The following ORC5 variants were observed in gnomAD, a reference collection of about 807,000 sequenced individuals.
The protein encoded by ORC5 is origin recognition complex subunit 5, also known as protein phosphatase 1, regulatory subunit 117.
Under a neutral mutation model 58.8 loss-of-function variants are expected in ORC5, and 39 were observed. That is an observed-to-expected ratio of 0.66 (90% CI 0.51 to 0.87). ORC5 has a LOEUF of 0.87. Ranked by LOEUF, ORC5 falls within the 40% of genes least tolerant of loss-of-function variation. ORC5 has a pLI of 0.00. For synonymous variants in ORC5, 218 were observed against 177.6 expected, an observed-to-expected ratio of 1.23 and a Z score of -1.81; for missense variants, 493 against 506.3, an observed-to-expected ratio of 0.97 and a Z score of 0.25.
At chr7:104,169,904 G>C (rs1799180311) in intron 8 of ORC5, among the ~76,000 whole-genome samples, 1 of 151,838 alleles carries the variant, frequency 6.6e-6, no homozygotes, top group Non-Finnish European at 1.5e-5. Flanking sequence ...TTTTAGTTTG[G>C]AGCTAAGCTT....
chr7:104,187,133 G>A lies in ORC5; in HGVS notation c.684+1118C>T, dbSNP rs547707650. ...CAGGAAAGACCGAGGAGGATTATCT[G>A]CTCCTAAGTCCATCTCACTCAGGTG... On this transcript the variant is annotated intron_variant, in intron 6 of 13. Coordinates refer to ENST00000297431, the MANE Select transcript of ORC5 (RefSeq NM_002553.4). Among the ~76,000 whole-genome samples, 38 of 152,250 alleles carry A rather than the reference G, an allele frequency of 2.5e-4. 1 individual carries two copies. The South Asian group carries it at 5.0e-3, about 20-fold the overall frequency.
rs559663115 is a variant in ORC5 at position 104,203,770 on chromosome 7, T to C, written c.165+372A>G. On this transcript the variant is annotated intron_variant, in intron 2 of 13. Transcript: ENST00000297431. ...TGAAAATATTAAGATTTGCATGGCC[T>C]AGCTGCTGGGTGAAGATTGCAAATA... 3.5e-4 allele frequency among the ~76,000 whole-genome samples: 54 copies of C among 152,284 alleles called. No homozygotes were observed. In the South Asian group the frequency reaches 5.8e-3, roughly 16 times the overall value.
intron 12 of ORC5, among the ~76,000 whole-genome samples, 158 bp downstream of exon 12, chr7:104,160,914 T>C (rs764087414): frequency 3.3e-5 from 5 of 152,198 alleles, no homozygotes; most frequent in Admixed American, 6.5e-5. Context: ...AAAGATTCTA[T>C]ATACGTAATT....
chr7:104,171,093 T>A (rs1188651176), intron 8 of ORC5, among the ~76,000 whole-genome samples: 1 of 152,202 alleles, frequency 6.6e-6, no homozygotes, highest in Non-Finnish European at 1.5e-5. Flanking sequence ...CCCCTGTTCT[T>A]TGTCCATTTA....
chr7:104,127,701 T>G lies in ORC5; in HGVS notation c.1263-808A>C, dbSNP rs529187359. ...TCACTAATTGCATGCTCTTATTTAT[T>G]AAACCATCATCAATTAATGTTTTTG... On this transcript the variant is annotated intron_variant, in intron 13 of 13. Transcript: ENST00000297431. 9.8e-5 allele frequency among the ~76,000 whole-genome samples: 15 copies of G among 152,364 alleles called. No individual in the cohort carries two copies. In the South Asian group the frequency reaches 3.1e-3, roughly 32 times the overall value.
intron 9 of ORC5, 70 bp from the exon 10 acceptor site, chr7:104,166,954 T>C: frequency 1.2e-6 from 1 of 833,458 alleles, no homozygotes; most frequent in Non-Finnish European, 2.0e-6. Flanking sequence ...TCTTCTCACT[T>C]GACTTTTCAT....
intron 12 of ORC5, among the ~76,000 whole-genome samples, chr7:104,147,691 CAT>C (rs918365931): frequency 6.6e-6 from 1 of 152,180 alleles, no homozygotes; most frequent in African/African-American, 2.4e-5. Flanking sequence ...TAATACAACA[CAT>C]ATGTCGTGCT....
At position 104,188,357 on chromosome 7, in the gene ORC5, T is replaced by C. The variant is rs761065861; in HGVS notation, c.578A>G (p.His193Arg). 74 of 1,609,970 alleles carry C rather than the reference T, an allele frequency of 4.6e-5. No homozygotes were observed. Among genetic ancestry groups the C allele is most frequent in the South Asian group, 1.7e-4 (15 of 90,842 alleles). ...AGCTGAATACTCTGGAGGATGATCA[T>C]GGGACAGGATCTTTTGAAGGTTGCC... Reference protein sequence around the residue: ...SIGNLQKILSHDHPPEYSADF... With the variant: ...SIGNLQKILSRDHPPEYSADF... The change falls in exon 6 of 14, where the codon CAT becomes CGT. Residue 193 changes from histidine (H) to arginine (R), a missense_variant. His to Arg is a conservative substitution (Grantham distance 29). Around this residue, in one of 3 missense-constraint regions of ORC5, gnomAD observed 412 missense variants for 403.7 expected, o/e 1.02. Coordinates refer to ENST00000297431, the MANE Select transcript of ORC5 (RefSeq NM_002553.4).
intron 6 of ORC5, chr7:104,187,730 A>T: frequency 1.0e-6 from 1 of 961,958 alleles, no homozygotes; most frequent in African/African-American, 1.8e-5. Context: ...AAAAAAAAAA[A>T]ATTAAAAAGA....
rs528039180 is a variant in ORC5 at position 104,151,034 on chromosome 7, T to C, written c.1149+10038A>G. On this transcript the variant is annotated intron_variant, in intron 12 of 13. Coordinates refer to ENST00000297431, the MANE Select transcript of ORC5 (RefSeq NM_002553.4). ...TCGATAGTTGTAAGGGGAAAGTACA[T>C]GCAACAATATAAAAACATTTAAAAT... Among the ~76,000 whole-genome samples the C allele has an allele frequency of 3.9e-5, 6 of 152,194 alleles. No individual in the cohort carries two copies. The East Asian group carries it at 1.2e-3, about 29-fold the overall frequency.
chr7:104,200,308 GTCT>G (rs1799908024), intron 3 of ORC5, among the ~76,000 whole-genome samples: 1 of 152,054 alleles, frequency 6.6e-6, no homozygotes, highest in Non-Finnish European at 1.5e-5. Flanking sequence ...CTATCTTCCA[GTCT>G]TCTTTTTCTC....
intron 8 of ORC5, among the ~76,000 whole-genome samples, chr7:104,174,095 C>T (rs920783242): frequency 8.5e-5 from 13 of 152,132 alleles, no homozygotes; most frequent in Admixed American, 6.5e-4. Context: ...CCGCCCGCCT[C>T]GGCCTCCCAA....
At chr7:104,167,790 G>C (rs1411855896) in intron 9 of ORC5, among the ~76,000 whole-genome samples, 2 of 152,122 alleles carry the variant, frequency 1.3e-5, no homozygotes, top group Non-Finnish European at 2.9e-5. Flanking sequence ...CAAACAGATA[G>C]AAAGTAGTGC....
intron 2 of ORC5, 134 bp from the exon 3 acceptor site, chr7:104,201,092 C>A: frequency 1.5e-6 from 1 of 674,776 alleles, no homozygotes; most frequent in Non-Finnish European, 2.6e-6. Context: ...AAGAGCCTGA[C>A]AGCTACAGAA....
chr7:104,185,432 T>C (rs1799524005), intron 6 of ORC5, among the ~76,000 whole-genome samples: 2 of 152,254 alleles, frequency 1.3e-5, no homozygotes, highest in East Asian at 1.9e-4. Flanking sequence ...CCATAAAACA[T>C]ATAATGAAAA....
chr7:104,167,600 G>C (rs931906508), intron 9 of ORC5, among the ~76,000 whole-genome samples: 11 of 152,184 alleles, frequency 7.2e-5, no homozygotes, highest in Admixed American at 6.5e-4. Context: ...TATTAAAACA[G>C]TAGGGTCATT....
chr7:104,147,715 A>G (rs17159421), intron 12 of ORC5, among the ~76,000 whole-genome samples: 3,627 of 152,342 alleles, frequency 0.024, 91 homozygotes, highest in South Asian at 0.12. Context: ...AAGGTTTGCT[A>G]GAAAACATTT....
chr7:104,137,388 T>C (rs1450926231), intron 12 of ORC5, among the ~76,000 whole-genome samples: 1 of 151,746 alleles, frequency 6.6e-6, no homozygotes, highest in African/African-American at 2.4e-5. Context: ...AAAGGGTCGG[T>C]GATACAGGAG....
At chr7:104,194,875 G>C (rs1238260554) in intron 5 of ORC5, among the ~76,000 whole-genome samples, 1 of 152,082 alleles carries the variant, frequency 6.6e-6, no homozygotes, top group East Asian at 1.9e-4. Flanking sequence ...TAAAAATTTT[G>C]TAAGTGCAGA....
Sources: gnomAD v4.1 joint callset for allele counts (sites outside exome capture counted in the v4.1 genomes callset) on GRCh38, gnomAD v4.1.1 for gene constraint, gnomAD v4.1.1 regional missense constraint, MANE v1.5 for transcripts, NCBI Gene and HGNC (gene_info 2026-07-23, HGNC 2026-07-21) for gene names.